The following NEK7 variants were observed in gnomAD, a reference collection of about 807,000 sequenced individuals.
The protein encoded by NEK7 is serine/threonine-protein kinase Nek7.
A neutral mutation model predicts 44.6 loss-of-function variants in NEK7; 18 were observed. The observed-to-expected ratio is 0.40, with a 90% CI of 0.28 to 0.60. The LOEUF (loss-of-function observed/expected upper bound fraction) is 0.60. Among genes scored for constraint, NEK7 ranks in the 20% least tolerant of loss-of-function variants. The pLI is 0.38. For synonymous variants in NEK7, 130 were observed against 121.1 expected (o/e 1.07, Z -0.48); for missense variants, 256 against 366.5 (o/e 0.70, Z 2.46).
intron 1 of NEK7, among the ~76,000 whole-genome samples, chr1:198,209,936 C>A (rs1231030738): frequency 6.6e-6 from 1 of 151,644 alleles, no homozygotes; most frequent in Non-Finnish European, 1.5e-5. Context: ...CATGCATCAG[C>A]CTCCCTAATA....
At chr1:198,165,358 A>T (rs1199559273) in intron 1 of NEK7, among the ~76,000 whole-genome samples, 1 of 152,242 alleles carries the variant, frequency 6.6e-6, no homozygotes. Flanking sequence ...TGACAGCTAT[A>T]GATTTAAGAA....
At chr1:198,230,553 A>T (rs1199851503) in intron 1 of NEK7, among the ~76,000 whole-genome samples, 1 of 152,102 alleles carries the variant, frequency 6.6e-6, no homozygotes, top group Admixed American at 6.6e-5. Flanking sequence ...TCTATAAAAA[A>T]TGTATAGCTA....
chr1:198,317,884 T>TTG (rs1553258437), intron 9 of NEK7, among the ~76,000 whole-genome samples: 6 of 143,302 alleles, frequency 4.2e-5, no homozygotes, highest in African/African-American at 1.5e-4. Context: ...TTTATTTTTT[T>TTG]TTTTTTTTTT....
chr1:198,259,892 C>T (rs995166299), intron 3 of NEK7, among the ~76,000 whole-genome samples: 2 of 152,122 alleles, frequency 1.3e-5, no homozygotes, highest in African/African-American at 4.8e-5. Context: ...AGAGCCCTTC[C>T]AGCCAGCCAT....
At chr1:198,317,851 T>C (rs2103048374) in intron 9 of NEK7, among the ~76,000 whole-genome samples, 1 of 150,762 alleles carries the variant, frequency 6.6e-6, no homozygotes, top group Non-Finnish European at 1.5e-5. Context: ...CACTTTCTTC[T>C]GCATTGTGTA....
In NEK7 at chr1:198,319,504, A is replaced by C; in HGVS notation, c.891A>C (p.Ala297=). 6.2e-7 allele frequency: 1 copy of C among 1,610,996 alleles called. No homozygotes were observed. The highest frequency in any genetic ancestry group is 1.1e-5 in the South Asian group (1 of 90,712). The change falls in exon 10 of 10, where the codon GCA becomes GCC. Residue 297 remains alanine (A), a synonymous_variant. Coordinates refer to ENST00000367385, the MANE Select transcript of NEK7 (RefSeq NM_133494.3). ...YVYDVAKRMH[A]CTASS is the part of the protein sequence containing the mutation. ...ATGACGTAGCAAAGAGGATGCATGC[A>C]TGCACTGCAAGCAGCTAAACATGCA...
In NEK7 at chr1:198,299,321, T is replaced by C. The variant is rs530263870; in HGVS notation, c.798+2081T>C. Among the ~76,000 whole-genome samples, 21 of 152,236 alleles carry C rather than the reference T, an allele frequency of 1.4e-4. 1 individual carries two copies. Among genetic ancestry groups the C allele is most frequent in the Non-Finnish European group, 2.5e-4 (17 of 68,028 alleles). ...GAGCTTTGAAATGCAGATGTGCTAATAAATATTTTCTCTCCTTAAGCAGGA... is the reference window on the plus strand; with the variant it reads ...GAGCTTTGAAATGCAGATGTGCTAACAAATATTTTCTCTCCTTAAGCAGGA... On this transcript the variant is annotated intron_variant, in intron 9 of 9. Coordinates refer to ENST00000367385, the MANE Select transcript of NEK7 (RefSeq NM_133494.3).
chr1:198,182,011 A>G (rs1571507573), intron 1 of NEK7, among the ~76,000 whole-genome samples: 1 of 152,084 alleles, frequency 6.6e-6, no homozygotes, highest in Non-Finnish European at 1.5e-5. Flanking sequence ...AAATGGCTTT[A>G]TATACTTGAT....
At chr1:198,307,405 C>T (rs968880216) in intron 9 of NEK7, among the ~76,000 whole-genome samples, 2 of 152,106 alleles carry the variant, frequency 1.3e-5, no homozygotes, top group South Asian at 2.1e-4. Flanking sequence ...AACAAATGTG[C>T]TCCCAGGATG....
chr1:198,251,883 G>T (rs1172949162), intron 2 of NEK7, among the ~76,000 whole-genome samples: 1 of 152,046 alleles, frequency 6.6e-6, no homozygotes, highest in Non-Finnish European at 1.5e-5. Flanking sequence ...CTTCAGTTCT[G>T]CTCTGATTTT....
chr1:198,160,014 T>TG (rs1326754755), intron 1 of NEK7, among the ~76,000 whole-genome samples: 30 of 152,278 alleles, frequency 2.0e-4, no homozygotes, highest in Admixed American at 4.6e-4. Context: ...AGTATTCTTT[T>TG]TTTTTCCCCT....
At chr1:198,169,170 A>T (rs944957379) in intron 1 of NEK7, among the ~76,000 whole-genome samples, 4 of 152,218 alleles carry the variant, frequency 2.6e-5, no homozygotes, top group Non-Finnish European at 5.9e-5. Flanking sequence ...TAGTTTATGG[A>T]TATAACTGCT....
At chr1:198,162,368 A>G (rs1371938575) in intron 1 of NEK7, among the ~76,000 whole-genome samples, 2 of 152,144 alleles carry the variant, frequency 1.3e-5, no homozygotes, top group African/African-American at 2.4e-5. Context: ...CCTGCTGCAC[A>G]TATATTATCA....
At position 198,319,462 on chromosome 1, in the gene NEK7, A is replaced by G; in HGVS notation, c.849A>G (p.Pro283=). ...MCINPDPEKR[P]DVTYVYDVAK... ...TCAACCCAGATCCAGAGAAGCGACC[A>G]GACGTCACCTATGTTTATGACGTAG... The change falls in exon 10 of 10, where the codon CCA becomes CCG. Residue 283 remains proline, a synonymous_variant. Coordinates refer to ENST00000367385, the MANE Select transcript of NEK7 (RefSeq NM_133494.3). 6.2e-7 allele frequency: 1 copy of G among 1,613,438 alleles called. No individual in the cohort carries two copies. The highest frequency in any genetic ancestry group is 1.1e-5 in the South Asian group (1 of 91,026).
At chr1:198,315,005 G>C (rs1268128309) in intron 9 of NEK7, among the ~76,000 whole-genome samples, 2 of 152,182 alleles carry the variant, frequency 1.3e-5, no homozygotes, top group African/African-American at 4.8e-5. Context: ...AGCACGCCTG[G>C]GCAATGGCGG....
intron 1 of NEK7, among the ~76,000 whole-genome samples, chr1:198,194,559 C>G (rs1015597426): frequency 1.3e-5 from 2 of 150,614 alleles, no homozygotes; most frequent in African/African-American, 4.9e-5. Context: ...TAGGGGAGAA[C>G]AAGTGGTATT....
At chr1:198,269,416 C>G (rs1558087652) in intron 5 of NEK7, among the ~76,000 whole-genome samples, 2 of 151,882 alleles carry the variant, frequency 1.3e-5, no homozygotes, top group Non-Finnish European at 2.9e-5. Flanking sequence ...TCTGAACATG[C>G]TTATTAGTTC....
intron 2 of NEK7, among the ~76,000 whole-genome samples, chr1:198,242,383 C>A (rs1666707275): frequency 6.8e-6 from 1 of 147,842 alleles, no homozygotes; most frequent in African/African-American, 2.5e-5. Context: ...CAGTGCTTAC[C>A]TCTTTTTCTT....
intron 1 of NEK7, among the ~76,000 whole-genome samples, chr1:198,174,687 G>T (rs1186837865): frequency 6.6e-6 from 1 of 151,998 alleles, no homozygotes; most frequent in African/African-American, 2.4e-5. Context: ...CAGTTTCCTT[G>T]TCCAGTTTTC....
Sources: gnomAD v4.1 joint callset for allele counts (sites outside exome capture counted in the v4.1 genomes callset) on GRCh38, gnomAD v4.1.1 for gene constraint, MANE v1.5 for transcripts, NCBI Gene and HGNC (gene_info 2026-07-23, HGNC 2026-07-21) for gene names.